ACSS2: variants seen among roughly 807,000 people sequenced by gnomAD.
The protein encoded by ACSS2 is acetyl-coenzyme A synthetase, cytoplasmic.
ACSS2 carries 58 observed loss-of-function variants against 90.6 expected under a neutral mutation model. The observed-to-expected ratio is 0.64, with a 90% CI of 0.52 to 0.80. ACSS2 has a LOEUF of 0.80. Ranked by LOEUF, ACSS2 falls within the 30% of genes least tolerant of loss-of-function variation. The pLI is 0.00. For synonymous variants in ACSS2, 300 were observed against 330.9 expected, an observed-to-expected ratio of 0.91 and a Z score of 1.01; for missense variants, 759 against 912.0, an observed-to-expected ratio of 0.83 and a Z score of 2.16.
chr20:34,923,819 C>T (rs1348055372), intron 14 of ACSS2, among the ~76,000 whole-genome samples: 1 of 148,078 alleles, frequency 6.8e-6, no homozygotes, highest in African/African-American at 2.5e-5. Flanking sequence ...GCCCCCCCCA[C>T]CTCCCCGGCC....
At chr20:34,876,112 G>A (rs568643718), upstream of ACSS2, among the ~76,000 whole-genome samples, 3 of 152,228 alleles carry the variant, frequency 2.0e-5, no homozygotes, top group Admixed American at 6.5e-5. Context: ...CTCCGCGATG[G>A]ACCTTACTCA....
Position 34,926,103 on chromosome 20 carries a change from A to G in ACSS2, c.1727-2A>G. 6.2e-7 allele frequency: 1 copy of G among 1,614,126 alleles called. No individual in the cohort carries two copies. The highest frequency in any genetic ancestry group is 8.5e-7 in the Non-Finnish European group (1 of 1,180,002). On this transcript the variant is annotated splice_acceptor_variant, in intron 15 of 17. Transcript: ENST00000360596. LOFTEE classifies it high-confidence loss of function. ...TCATGGCACTTCCTTTCCCTTGACAAGGACACCTGCTGAGTACAGCAGAGG... is the reference window on the plus strand; with the variant it reads ...TCATGGCACTTCCTTTCCCTTGACAGGGACACCTGCTGAGTACAGCAGAGG...
intron 16 of ACSS2, 114 bp downstream of exon 16, chr20:34,926,395 C>A: frequency 8.2e-7 from 1 of 1,221,148 alleles, no homozygotes; most frequent in Non-Finnish European, 1.1e-6. Context: ...AAACAGATTC[C>A]AGGGGGCCCC....
chr20:34,892,000 G>A (rs999636740), intron 2 of ACSS2, among the ~76,000 whole-genome samples: 1 of 152,190 alleles, frequency 6.6e-6, no homozygotes, highest in Admixed American at 6.5e-5. Flanking sequence ...AACATTTAAT[G>A]AAAAGAATGG....
rs375380201 is a variant in ACSS2, at chr20:34,921,471, A to G, written c.1410+9A>G. 1 of 1,614,198 alleles carries G rather than the reference A, an allele frequency of 6.2e-7. No individual in the cohort carries two copies. The highest frequency in any genetic ancestry group is 1.1e-5 in the South Asian group (1 of 91,086). On this transcript the variant is annotated intron_variant, in intron 11 of 17. Coordinates refer to ENST00000360596, the MANE Select transcript of ACSS2 (RefSeq NM_018677.4). ...TCTGGCAAACAGAGACAGTGAGTGA[A>G]GGGTACAGAAGGCTGGGGCCCAGGG...
Position 34,913,119 on chromosome 20 carries a change from C to T in ACSS2, c.398C>T (p.Thr133Ile). Residue 133 changes from threonine (T) to isoleucine (I), a missense_variant, in exon 3 of 18, where the codon ACC (threonine) becomes ATC (isoleucine). Thr to Ile is a moderately conservative substitution (Grantham distance 89, BLOSUM62 -1). Coordinates refer to ENST00000360596, the MANE Select transcript of ACSS2 (RefSeq NM_018677.4). ...AGGGAGGGCAATGAGCCAGGGGAGA[C>T]CACTCAGATCACATACCATCAGCTT... ...FYWEGNEPGE[T>I]TQITYHQLLV... 2.5e-6 allele frequency: 4 copies of T among 1,614,068 alleles called. No homozygotes were observed. Among genetic ancestry groups the T allele is most frequent in the Non-Finnish European group, 3.4e-6 (4 of 1,180,010 alleles).
At position 34,919,513 on chromosome 20, in the gene ACSS2, T is replaced by C. The variant is rs758614371; in HGVS notation, c.913T>C (p.Cys305Arg). 26 of 1,611,976 alleles carry C rather than the reference T, an allele frequency of 1.6e-5. No individual in the cohort carries two copies. Among genetic ancestry groups the C allele is most frequent in the Non-Finnish European group, 2.2e-5 (26 of 1,179,904 alleles). ...AGGGGATGAGTGTGAGCCCGAGTGG[T>C]GTGATGCCGAGGACCCACTCTTCAT... The part of the protein sequence containing the change: ...EAGDECEPEW[C>R]DAEDPLFILY... Residue 305 changes from cysteine to arginine, a missense_variant, in exon 8 of 18, where the codon TGT (cysteine) becomes CGT (arginine). Transcript: ENST00000360596.
upstream of ACSS2, chr20:34,876,539 C>G: frequency 8.0e-7 from 1 of 1,256,358 alleles, no homozygotes; most frequent in Non-Finnish European, 1.0e-6. Context: ...CCCCACTCAC[C>G]AGGCCCCGCC....
At chr20:34,882,309 A>G (rs1243813996) in intron 1 of ACSS2, among the ~76,000 whole-genome samples, 1 of 152,146 alleles carries the variant, frequency 6.6e-6, no homozygotes, top group Non-Finnish European at 1.5e-5. Context: ...AGCCCAAGAG[A>G]ATAGAAGATG....
In ACSS2 at chr20:34,876,741, G is replaced by A. The variant is rs769838087; in HGVS notation, c.96G>A (p.Pro32=). The stretch of plus-strand genomic sequence containing the variant: ...GCCGGGCGCGGAGTTGGTCTCCGCC[G>A]CCCGAGGTCAGCCGCTCCGCGCACG... ...AGGRARSWSP[P]PEVSRSAHVP... is the part of the protein sequence containing the mutation. Residue 32 remains proline (P), a synonymous_variant, in exon 1 of 18, where the codon CCG becomes CCA. Transcript: ENST00000360596. 1.4e-6 allele frequency: 2 copies of A among 1,437,706 alleles called. No individual in the cohort carries two copies. Among genetic ancestry groups the A allele is most frequent in the Admixed American group, 2.6e-5 (1 of 37,812 alleles). 89.1% of individuals were successfully genotyped at this position (1,437,706 alleles called of 1,614,324 possible).
Position 34,921,619 on chromosome 20 carries a change from G to T in ACSS2, c.1467+19G>T. 1 of 1,614,156 alleles carries T rather than the reference G, an allele frequency of 6.2e-7. No homozygotes were observed. The highest frequency in any genetic ancestry group is 2.2e-5 in the East Asian group (1 of 44,884). On this transcript the variant is annotated intron_variant, in intron 12 of 17. Coordinates refer to ENST00000360596, the MANE Select transcript of ACSS2 (RefSeq NM_018677.4). ...TTCTGCTGTGAGTGATGCTTCCCTG[G>T]CTGGTCTTGGGCTAGGCAGGGATGG...
In ACSS2 at chr20:34,926,946, G is replaced by C. The variant is rs200708044; in HGVS notation, c.1973G>C (p.Arg658Pro). Residue 658 changes from arginine (R) to proline (P), a missense_variant, in exon 17 of 18, where the codon CGC becomes CCC. Physicochemically the swap from Arg to Pro is moderately radical, Grantham distance 103 (BLOSUM62 -2). Transcript: ENST00000360596. ...IQNAPGLPKT[R>P]SGKIMRRVLR... ...AATGCACCTGGCTTGCCTAAAACCC[G>C]CTCAGGTATGTTCAGAGGCCTCCAT... The C allele has an allele frequency of 6.2e-7, 1 of 1,614,044 alleles. No homozygotes were observed. Among genetic ancestry groups the C allele is most frequent in the African/African-American group, 1.3e-5 (1 of 74,906 alleles).
chr20:34,921,947 T>G, intron 13 of ACSS2, 81 bp downstream of exon 13: 1 of 1,537,502 alleles, frequency 6.5e-7, no homozygotes, highest in Non-Finnish European at 8.7e-7. Context: ...GTTAATAACC[T>G]AATCTCTCCT....
At chr20:34,915,055 AG>A (rs1361299148) in intron 7 of ACSS2, among the ~76,000 whole-genome samples, 3 of 152,210 alleles carry the variant, frequency 2.0e-5, no homozygotes, top group East Asian at 3.9e-4. Flanking sequence ...AATCAGTGTT[AG>A]GGGTTTTACA....
chr20:34,926,906 C>T lies in ACSS2; in HGVS notation c.1933C>T (p.Pro645Ser). 1 of 1,614,162 alleles carries T rather than the reference C, an allele frequency of 6.2e-7. No individual in the cohort carries two copies. The highest frequency in any genetic ancestry group is 8.5e-7 in the Non-Finnish European group (1 of 1,180,038). ...AGAAAAGATTGGCCCCATTGCCACA[C>T]CAGACTACATCCAGAATGCACCTGG... ...IREKIGPIAT[P>S]DYIQNAPGLP... is the part of the protein sequence containing the mutation. The change falls in exon 17 of 18, where the codon CCA (proline) becomes TCA (serine). Residue 645 changes from proline to serine, a missense_variant. By Grantham distance (74) the Pro-to-Ser change is moderately conservative. Transcript: ENST00000360596.
chr20:34,909,241 G>T (rs1379064830), intron 2 of ACSS2, among the ~76,000 whole-genome samples: 1 of 151,354 alleles, frequency 6.6e-6, no homozygotes. Context: ...GGTGACTCTG[G>T]CCTGTAGTCC....
At chr20:34,903,692 G>A (rs1449367204) in intron 2 of ACSS2, among the ~76,000 whole-genome samples, 2 of 151,816 alleles carry the variant, frequency 1.3e-5, no homozygotes, top group Non-Finnish European at 2.9e-5. Context: ...CCTGTGCCTT[G>A]CTTGTAGTTC....
Position 34,920,692 on chromosome 20 carries a change from G to A in ACSS2, c.1126G>A (p.Gly376Ser). 6.2e-7 allele frequency: 1 copy of A among 1,612,668 alleles called. No individual in the cohort carries two copies. Residue 376 changes from glycine to serine, a missense_variant, in exon 9 of 18, where the codon GGT becomes AGT. Coordinates refer to ENST00000360596, the MANE Select transcript of ACSS2 (RefSeq NM_018677.4). The part of the protein sequence containing the change: ...SYVTYGPLAN[G>S]ATSVLFEGIP... ...CGTCACCTATGGGCCACTGGCCAAT[G>A]GTGCCACCAGTGTTTTGGTGAGAAG...
At chr20:34,880,296 C>T (rs1415224988) in intron 1 of ACSS2, among the ~76,000 whole-genome samples, 1 of 152,144 alleles carries the variant, frequency 6.6e-6, no homozygotes, top group Admixed American at 6.5e-5. Flanking sequence ...ATAATCCCAG[C>T]ATCCTTTGGG....
Sources: gnomAD v4.1 joint callset for allele counts (sites outside exome capture counted in the v4.1 genomes callset) on GRCh38, gnomAD v4.1.1 for gene constraint, MANE v1.5 for transcripts, NCBI Gene and HGNC (gene_info 2026-07-23, HGNC 2026-07-21) for gene names.